ANKMY1: variants seen among roughly 807,000 people sequenced by gnomAD.
ANKMY1 encodes ankyrin repeat and MYND domain containing 1.
ANKMY1 carries 98 observed loss-of-function variants against 102.0 expected under a neutral mutation model. That is an observed-to-expected ratio of 0.96 (90% CI 0.82 to 1.14). The LOEUF (loss-of-function observed/expected upper bound fraction) is 1.14, where lower values mean the gene tolerates loss of function less well. Ranked by LOEUF, ANKMY1 falls within the 50% of genes most tolerant of loss-of-function variation. The pLI is 0.00. For missense variants in ANKMY1, 1,330 were observed against 1,347.6 expected, an observed-to-expected ratio of 0.99 and a Z score of 0.20; for synonymous variants, 582 against 559.9, an observed-to-expected ratio of 1.04 and a Z score of -0.56.
At chr2:240,539,417 A>G (rs1325896263) in intron 4 of ANKMY1, among the ~76,000 whole-genome samples, 3 of 151,678 alleles carry the variant, frequency 2.0e-5, no homozygotes, top group Admixed American at 6.6e-5. Context: ...GAGACCATGA[A>G]CCCGCCAGAA....
intron 4 of ANKMY1, among the ~76,000 whole-genome samples, chr2:240,549,168 T>C (rs1347225032): frequency 6.6e-6 from 1 of 151,362 alleles, no homozygotes; most frequent in Non-Finnish European, 1.5e-5. Flanking sequence ...AAAACAGAGA[T>C]ATAGATCAAT....
chr2:240,471,949 C>G, the ANKMY1 span, among the ~76,000 whole-genome samples: 7 of 152,160 alleles, frequency 4.6e-5, no homozygotes, highest in African/African-American at 9.7e-5. Context: ...GTCCATCCCC[C>G]CTGAAGGCAG....
At chr2:240,526,015 C>T in intron 6 of ANKMY1, 166 bp from the exon 7 acceptor site, 5 of 1,014,370 alleles carry the variant, frequency 4.9e-6, no homozygotes, top group Admixed American at 2.3e-5. Flanking sequence ...AGGAATGGAA[C>T]AGGCACTCTG....
upstream of ANKMY1, among the ~76,000 whole-genome samples, chr2:240,558,908 T>C (rs1179183179): frequency 6.6e-6 from 1 of 152,182 alleles, no homozygotes; most frequent in Non-Finnish European, 1.5e-5. Flanking sequence ...TTCGGCATAC[T>C]ACATGCATGC....
rs753323400 is a variant in ANKMY1 at position 240,529,280 on chromosome 2, T to C, written c.710A>G (p.Gln237Arg). 1.8e-5 allele frequency: 29 copies of C among 1,613,894 alleles called. No homozygotes were observed. In the South Asian group the frequency reaches 2.9e-4, roughly 16 times the overall value. Reference sequence around the variant, plus strand: ...CTTATAGTCATAGAAAAAGGGATCCTGTCCCTCCTGCAGTCCCCACTCCGT... The same window carrying C: ...CTTATAGTCATAGAAAAAGGGATCCCGTCCCTCCTGCAGTCCCCACTCCGT... ...EKTEWGLQEGQDPFFYDYKRF... is the reference protein window; with the variant it reads ...EKTEWGLQEGRDPFFYDYKRF... The change falls in exon 5 of 18, where the codon CAG (glutamine) becomes CGG (arginine). Residue 237 changes from glutamine (Q) to arginine (R), a missense_variant. By Grantham distance (43) the Gln-to-Arg change is conservative (BLOSUM62 1). Coordinates refer to ENST00000401804, the MANE Select transcript of ANKMY1 (RefSeq NM_001282771.3). The surrounding 1 kb of genome is among the most constrained non-coding windows in gnomAD (Gnocchi z 4.2).
Position 240,509,357 on chromosome 2 carries a change from C to T in ANKMY1, c.2385G>A (p.Gly795=). 2 of 1,612,886 alleles carry T rather than the reference C, an allele frequency of 1.2e-6. No individual in the cohort carries two copies. The highest frequency in any genetic ancestry group is 1.7e-6 in the Non-Finnish European group (2 of 1,179,276). Reference sequence around the variant, plus strand: ...TACAGAACATGCTCACCAGCTCATTCCCACTGGCAATGGACAGGGAGAGCG... The same window carrying T: ...TACAGAACATGCTCACCAGCTCATTTCCACTGGCAATGGACAGGGAGAGCG... ...HSPLSLSIAS[G]NELVVKELLT... Residue 795 remains glycine (G), a synonymous_variant, in exon 12 of 18, where the codon GGG becomes GGA. Transcript: ENST00000401804.
At chr2:240,490,747 C>T (rs1416187743) in intron 15 of ANKMY1, among the ~76,000 whole-genome samples, 4 of 152,092 alleles carry the variant, frequency 2.6e-5, no homozygotes, top group South Asian at 2.1e-4. Context: ...TGTGGTCTAA[C>T]GTATGGTCTA....
chr2:240,483,587 T>G (rs1228137176), intron 15 of ANKMY1, among the ~76,000 whole-genome samples: 1 of 152,228 alleles, frequency 6.6e-6, no homozygotes, highest in Admixed American at 6.5e-5. Flanking sequence ...TATCCTGTAG[T>G]TGGATTTACA....
At chr2:240,476,334 T>C (rs544038590), downstream of ANKMY1, among the ~76,000 whole-genome samples, 8 of 152,332 alleles carry the variant, frequency 5.3e-5, no homozygotes, top group African/African-American at 1.7e-4. Context: ...CATATACCCT[T>C]ATCTTACACC....
chr2:240,474,181 C>T, the ANKMY1 span, among the ~76,000 whole-genome samples: 1,435 of 151,838 alleles, frequency 9.5e-3, 20 homozygotes, highest in African/African-American at 0.032. Context: ...CTGCAAGCTC[C>T]GCCTCCCAGG....
chr2:240,560,466 A>C (rs2092872391), upstream of ANKMY1: 1 of 654,540 alleles, frequency 1.5e-6, no homozygotes, highest in Admixed American at 4.5e-5. Flanking sequence ...GGTGAGGCCC[A>C]AACCTCCCGC....
upstream of ANKMY1, chr2:240,559,919 C>A (rs142634774): frequency 6.6e-6 from 1 of 152,276 alleles, no homozygotes; most frequent in African/African-American, 2.4e-5. Flanking sequence ...GTATCCATTG[C>A]CTGAAAATTA....
intron 10 of ANKMY1, 26 bp from the exon 11 acceptor site, chr2:240,512,027 G>C (rs998592328): frequency 5.3e-6 from 8 of 1,517,798 alleles, no homozygotes; most frequent in Non-Finnish European, 1.7e-6. Context: ...GGCTCCGCCA[G>C]CGCCCACGGA....
intron 9 of ANKMY1, 94 bp from the exon 10 acceptor site, chr2:240,513,036 T>C (rs1482367269): frequency 1.3e-5 from 20 of 1,490,292 alleles, no homozygotes; most frequent in African/African-American, 2.8e-5. Context: ...GGGAAATGGC[T>C]GAGACTCCAA....
Position 240,552,913 on chromosome 2 carries a change from C to T in ANKMY1, c.480+1G>A, listed in dbSNP as rs1173885945. On this transcript the variant is annotated splice_donor_variant, in intron 4 of 17. Transcript: ENST00000401804. LOFTEE classifies it high-confidence loss of function. Reference sequence around the variant, plus strand: ...AGCTGAACACATGGCAGCCCCCTCACCTGGAAAAGCCGTGTCTTCATGTAC... The same window carrying T: ...AGCTGAACACATGGCAGCCCCCTCATCTGGAAAAGCCGTGTCTTCATGTAC... The T allele has an allele frequency of 6.2e-6, 10 of 1,613,844 alleles. No homozygotes were observed. Among genetic ancestry groups the T allele is most frequent in the South Asian group, 1.1e-5 (1 of 91,074 alleles).
chr2:240,497,496 T>C (rs1374261917), intron 15 of ANKMY1, among the ~76,000 whole-genome samples: 1 of 152,238 alleles, frequency 6.6e-6, no homozygotes, highest in African/African-American at 2.4e-5. Context: ...TCTCTGTTCT[T>C]ACTGAATTTT....
At position 240,520,495 on chromosome 2, in the gene ANKMY1, C is replaced by T. The variant is rs766315371; in HGVS notation, c.1871G>A (p.Arg624His). Residue 624 changes from arginine to histidine, a missense_variant, in exon 9 of 18, where the codon CGC becomes CAC. Physicochemically the swap from Arg to His is conservative, Grantham distance 29. Coordinates refer to ENST00000401804, the MANE Select transcript of ANKMY1 (RefSeq NM_001282771.3). The surrounding 1 kb of genome is among the most constrained non-coding windows in gnomAD (Gnocchi z 4.8). ...GCACAGGTTGGGGTCCGCGCCCCGG[C>T]GCAGCAGCAGCTTGATGGTCCGCCA... ...KRWRTIKLLL[R>H]RGADPNLCCV... 1 of 1,613,212 alleles carries T rather than the reference C, an allele frequency of 6.2e-7. No individual in the cohort carries two copies. The highest frequency in any genetic ancestry group is 1.1e-5 in the South Asian group (1 of 91,048).
chr2:240,485,415 G>A (rs2075937586), intron 15 of ANKMY1, among the ~76,000 whole-genome samples: 1 of 152,164 alleles, frequency 6.6e-6, no homozygotes, highest in South Asian at 2.1e-4. Flanking sequence ...TACACTGTTG[G>A]TGGGAATGTA....
rs139701586 is a variant in ANKMY1, at chr2:240,535,658, C to G, written c.481-6149G>C. The stretch of plus-strand genomic sequence containing the variant: ...TACCAGAGTCAGATTGAAAGTAAGT[C>G]ATGATATATAGGGTCAAACAAAACC... On this transcript the variant is annotated intron_variant, in intron 4 of 17. Coordinates refer to ENST00000401804, the MANE Select transcript of ANKMY1 (RefSeq NM_001282771.3). 2.8e-3 allele frequency among the ~76,000 whole-genome samples: 429 copies of G among 152,282 alleles called. 1 individual carries two copies. The highest frequency in any genetic ancestry group is 4.3e-3 in the Non-Finnish European group (292 of 68,030).
Sources: allele counts gnomAD v4.1 joint callset (sites outside exome capture counted in the v4.1 genomes callset), GRCh38; gene constraint gnomAD v4.1.1; non-coding constraint Gnocchi (gnomAD v3.1); transcripts MANE v1.5; gene names NCBI Gene and HGNC (gene_info 2026-07-23, HGNC 2026-07-21).